Variants in ADSL observed in about 807,000 individuals in gnomAD.
The protein encoded by ADSL is adenylosuccinate lyase.
A neutral mutation model predicts 62.1 loss-of-function variants in ADSL; 44 were observed. The observed-to-expected ratio is 0.71, with a 90% CI of 0.56 to 0.91. The LOEUF (loss-of-function observed/expected upper bound fraction) is 0.91, where lower values mean the gene tolerates loss of function less well. ADSL is among the 40% of genes least tolerant of loss of function. The pLI is 0.00. For synonymous variants in ADSL, 198 were observed against 220.5 expected (o/e 0.90, Z 0.90); for missense variants, 531 against 627.4 (o/e 0.85, Z 1.64).
At position 40,368,262 on chromosome 22, in the gene ADSL, C is replaced by T. The variant is rs2045058231; in HGVS notation, c.*1740C>T. On this transcript the variant is annotated 3_prime_UTR_variant, in exon 13 of 13. Transcript: ENST00000623063. ...GATTAGCAACCTACACTCAATCCCCCAGGTCAGGCAGAAGCTGGAAGACTG... is the reference window on the plus strand; with the variant it reads ...GATTAGCAACCTACACTCAATCCCCTAGGTCAGGCAGAAGCTGGAAGACTG... 6.6e-6 allele frequency: 1 copy of T among 152,150 alleles called. No individual in the cohort carries two copies. Among genetic ancestry groups the T allele is most frequent in the African/African-American group, 2.4e-5 (1 of 41,416 alleles). 9.4% of individuals were successfully genotyped at this position (152,150 alleles called of 1,614,324 possible).
chr22:40,374,061 T>C (rs2046092863), downstream of ADSL, among the ~76,000 whole-genome samples: 1 of 152,178 alleles, frequency 6.6e-6, no homozygotes, highest in Admixed American at 6.5e-5. Context: ...TACGCCATTC[T>C]CCTGCCTCAG....
intron 2 of ADSL, among the ~76,000 whole-genome samples, chr22:40,375,453 G>A (rs532285448): frequency 9.5e-4 from 144 of 151,994 alleles, no homozygotes; most frequent in African/African-American, 3.2e-3. Context: ...GGTGGCAGGC[G>A]CCTGTAATCC....
chr22:40,354,388 T>G (rs940976149), intron 4 of ADSL, 61 bp downstream of exon 4: 1 of 1,304,850 alleles, frequency 7.7e-7, no homozygotes, highest in South Asian at 1.2e-5. Context: ...TCTTGAGTTC[T>G]CTGTTTTCCA....
At chr22:40,379,707 T>G (rs980055510) in intron 2 of ADSL, among the ~76,000 whole-genome samples, 2 of 152,134 alleles carry the variant, frequency 1.3e-5, no homozygotes, top group Non-Finnish European at 2.9e-5. Context: ...GTAGTATTTG[T>G]GGTCTCTGTT....
At chr22:40,386,623 T>C (rs1350155580) in intron 2 of ADSL, among the ~76,000 whole-genome samples, 1 of 148,006 alleles carries the variant, frequency 6.8e-6, no homozygotes, top group African/African-American at 2.5e-5. Context: ...GGTCTCGCTA[T>C]GTTGCCCAGG....
chr22:40,350,132 T>A, intron 2 of ADSL, 97 bp downstream of exon 2: 1 of 1,153,468 alleles, frequency 8.7e-7, no homozygotes, highest in Non-Finnish European at 1.2e-6. Flanking sequence ...ACACTATAGA[T>A]CTTTTTTTTT....
chr22:40,348,619 G>A (rs556099332), intron 1 of ADSL: 6 of 398,520 alleles, frequency 1.5e-5, no homozygotes, highest in African/African-American at 1.0e-4. Context: ...GGACTCAAGC[G>A]ATCCACCGAC....
chr22:40,375,376 T>G (rs564892981), intron 2 of ADSL, among the ~76,000 whole-genome samples: 46 of 152,146 alleles, frequency 3.0e-4, no homozygotes, highest in African/African-American at 1.0e-3. Context: ...GGTCAGGAGT[T>G]TGAGACTAGC....
At chr22:40,358,658 T>A (rs2044656776) in intron 4 of ADSL, among the ~76,000 whole-genome samples, 1 of 152,222 alleles carries the variant, frequency 6.6e-6, no homozygotes, top group South Asian at 2.1e-4. Context: ...TTCATACTCC[T>A]TGACTATTTG....
chr22:40,350,744 C>A (rs1243278262), intron 2 of ADSL, among the ~76,000 whole-genome samples: 1 of 151,464 alleles, frequency 6.6e-6, no homozygotes, highest in Non-Finnish European at 1.5e-5. Flanking sequence ...TCGGCCTCCC[C>A]AGTAGCTGGG....
At chr22:40,383,937 AT>A (rs1322394119) in intron 2 of ADSL, among the ~76,000 whole-genome samples, 1 of 152,156 alleles carries the variant, frequency 6.6e-6, no homozygotes, top group Non-Finnish European at 1.5e-5. Flanking sequence ...CTTGCAACTG[AT>A]TTGATATGAG....
intron 1 of ADSL, 57 bp from the exon 2 acceptor site, chr22:40,349,775 T>A: frequency 2.7e-6 from 4 of 1,487,126 alleles, no homozygotes; most frequent in Non-Finnish European, 2.8e-6. Flanking sequence ...TTGGTGTCAC[T>A]TCATTCAAAT....
intron 2 of ADSL, among the ~76,000 whole-genome samples, chr22:40,382,546 C>T (rs969561087): frequency 1.3e-5 from 2 of 152,120 alleles, no homozygotes; most frequent in Admixed American, 6.5e-5. Flanking sequence ...AAGAGCTAAC[C>T]TCCCAAGGGA....
At position 40,360,470 on chromosome 22, in the gene ADSL, G is replaced by C; in HGVS notation, c.770G>C (p.Ser257Thr). The C allele has an allele frequency of 1.2e-6, 2 of 1,614,154 alleles. No homozygotes were observed. The highest frequency in any genetic ancestry group is 1.7e-6 in the Non-Finnish European group (2 of 1,179,998). The change falls in exon 7 of 13, where the codon AGC becomes ACC. Residue 257 changes from serine (S) to threonine (T), a missense_variant. Around this residue, in one of 2 missense-constraint regions of ADSL, gnomAD observed 471 missense variants for 592.9 expected, o/e 0.79. Transcript: ENST00000623063. ...ATTGAAGTACTGTCTGTGCTGGCTA[G>C]CTTGGGGGCATCAGTGCACAAGGTG... is the stretch of plus-strand genomic sequence containing the variant. The part of the protein sequence containing the change: ...VDIEVLSVLA[S>T]LGASVHKICT...
At position 40,367,058 on chromosome 22, in the gene ADSL, A is replaced by G. The variant is rs1166630996; in HGVS notation, c.*536A>G. On this transcript the variant is annotated 3_prime_UTR_variant, in exon 13 of 13. Coordinates refer to ENST00000623063, the MANE Select transcript of ADSL (RefSeq NM_000026.4). ...CTGAAGTTGTGCCCAAGCTCATTTCATCTTTTGATAAGGCTTATACAGCAG... is the reference window on the plus strand; with the variant it reads ...CTGAAGTTGTGCCCAAGCTCATTTCGTCTTTTGATAAGGCTTATACAGCAG... 1 of 165,916 alleles carries G rather than the reference A, an allele frequency of 6.0e-6. No homozygotes were observed. Among genetic ancestry groups the G allele is most frequent in the Non-Finnish European group, 1.3e-5 (1 of 76,514 alleles). The allele number at this position is 165,916 out of a possible 1,614,324, so 10.3% of individuals were successfully genotyped here. A position where few individuals can be genotyped will look rare whatever the true frequency, so the allele number is the denominator to read the frequency against.
At chr22:40,356,297 G>A (rs1434589248) in intron 4 of ADSL, among the ~76,000 whole-genome samples, 1 of 152,030 alleles carries the variant, frequency 6.6e-6, no homozygotes, top group Non-Finnish European at 1.5e-5. Context: ...AGCACTTTGG[G>A]AGGCCGAGGC....
intron 2 of ADSL, among the ~76,000 whole-genome samples, chr22:40,374,848 G>T (rs1223943455): frequency 1.3e-5 from 2 of 152,210 alleles, no homozygotes; most frequent in Non-Finnish European, 2.9e-5. Context: ...TTGTACCACT[G>T]CACTCCAGCC....
At position 40,350,201 on chromosome 22, in the gene ADSL, G is replaced by A. The variant is rs567429684; in HGVS notation, c.357+166G>A. 40 of 640,790 alleles carry A rather than the reference G, an allele frequency of 6.2e-5. No individual in the cohort carries two copies. The African/African-American group carries it at 6.5e-4, about 10-fold the overall frequency. The allele number at this position is 640,790 out of a possible 1,614,324, so 39.7% of individuals were successfully genotyped here. On this transcript the variant is annotated intron_variant, in intron 2 of 12. Coordinates refer to ENST00000623063, the MANE Select transcript of ADSL (RefSeq NM_000026.4). Reference sequence around the variant, plus strand: ...CTGGAGTGCAGTGGCACGGCTCACTGCAAGCTCCGCCTCCTGGGTTCACAC... The same window carrying A: ...CTGGAGTGCAGTGGCACGGCTCACTACAAGCTCCGCCTCCTGGGTTCACAC...
chr22:40,375,120 C>T (rs1171177642), intron 2 of ADSL, among the ~76,000 whole-genome samples: 1 of 152,148 alleles, frequency 6.6e-6, no homozygotes, highest in Non-Finnish European at 1.5e-5. Context: ...ACTGTCTCTT[C>T]TAATATATGC....
Sources: gnomAD v4.1 joint callset for allele counts (sites outside exome capture counted in the v4.1 genomes callset) on GRCh38, gnomAD v4.1.1 for gene constraint, gnomAD v4.1.1 regional missense constraint, MANE v1.5 for transcripts, NCBI Gene and HGNC (gene_info 2026-07-23, HGNC 2026-07-21) for gene names.